The following PSTK variants were observed in gnomAD, a reference collection of about 807,000 sequenced individuals.
The protein encoded by PSTK is L-seryl-tRNA(Sec) kinase.
In PSTK, 26 loss-of-function variants were observed where a neutral mutation model predicts 38.6. The observed-to-expected ratio is 0.67, with a 90% CI of 0.49 to 0.94. The LOEUF (loss-of-function observed/expected upper bound fraction) is 0.94, where lower values mean the gene tolerates loss of function less well. Ranked by LOEUF, PSTK falls within the 40% of genes least tolerant of loss-of-function variation. The pLI, the probability that PSTK is intolerant of heterozygous loss-of-function variation, is 0.00. For missense variants in PSTK, 445 were observed against 436.3 expected, an observed-to-expected ratio of 1.02 and a Z score of -0.18; for synonymous variants, 181 against 161.7, an observed-to-expected ratio of 1.12 and a Z score of -0.91.
chr10:122,980,862 G>T lies in PSTK; in HGVS notation c.216+167G>T. ...GTGGAGCTGGGTTAACATAGTTACT[G>T]CAGAGGGTGAATGCGTTGGCTGTAG... On this transcript the variant is annotated intron_variant, in intron 1 of 5. Transcript: ENST00000406217. The surrounding 1 kb of genome is among the most constrained non-coding windows in gnomAD (Gnocchi z 4.3). 1.0e-6 allele frequency: 1 copy of T among 973,774 alleles called. No homozygotes were observed. The highest frequency in any genetic ancestry group is 1.2e-6 in the Non-Finnish European group (1 of 819,354). The allele number at this position is 973,774 out of a possible 1,614,324, so 60.3% of individuals were successfully genotyped here.
chr10:122,986,228 CAAA>C (rs544540038), intron 3 of PSTK, 69 bp from the exon 4 acceptor site: 5,622 of 593,628 alleles, frequency 9.5e-3, no homozygotes, highest in South Asian at 0.012. Context: ...GACTCCATCT[CAAA>C]AAAAAAAAAA....
intron 4 of PSTK, 165 bp downstream of exon 4, chr10:122,986,540 G>T: frequency 3.2e-6 from 2 of 631,308 alleles, no homozygotes; most frequent in Admixed American, 2.8e-5. Context: ...GGGCAAAGCC[G>T]ATTGTTAAAC....
At chr10:122,989,600 A>G (rs1031915947) in intron 5 of PSTK, among the ~76,000 whole-genome samples, 3 of 152,206 alleles carry the variant, frequency 2.0e-5, no homozygotes, top group South Asian at 2.1e-4. Context: ...ATGGTTGCAC[A>G]TATCTGTGAG....
Position 122,980,451 on chromosome 10 carries a change from C to G in PSTK, c.-29C>G, listed in dbSNP as rs542118896. 9.0e-6 allele frequency: 14 copies of G among 1,563,292 alleles called. No individual in the cohort carries two copies. The highest frequency in any genetic ancestry group is 1.7e-4 in the Middle Eastern group (1 of 5,880). On this transcript the variant is annotated 5_prime_UTR_variant, in exon 1 of 6. Coordinates refer to ENST00000406217, the MANE Select transcript of PSTK (RefSeq NM_001363531.2). The surrounding 1 kb of genome is among the most constrained non-coding windows in gnomAD (Gnocchi z 4.3). ...CAGACGGTAGAGCGGAGACGACGCTCCCAGACTCCTCCGGTCTCCCCGGGC... is the reference window on the plus strand; with the variant it reads ...CAGACGGTAGAGCGGAGACGACGCTGCCAGACTCCTCCGGTCTCCCCGGGC...
chr10:122,982,857 T>C lies in PSTK; in HGVS notation c.341T>C (p.Phe114Ser). 6.2e-7 allele frequency: 1 copy of C among 1,614,232 alleles called. No individual in the cohort carries two copies. The highest frequency in any genetic ancestry group is 8.5e-7 in the Non-Finnish European group (1 of 1,180,036). The change falls in exon 2 of 6, where the codon TTT (phenylalanine) becomes TCT (serine). Residue 114 changes from phenylalanine (F) to serine (S), a missense_variant. By Grantham distance (155) the Phe-to-Ser change is radical. Transcript: ENST00000406217. Reference protein sequence around the residue: ...PNRTEAMWEDFITCLKDQDLI... With the variant: ...PNRTEAMWEDSITCLKDQDLI... ...AGGACTGAAGCCATGTGGGAAGATT[T>C]TATAACCTGCTTAAAGGATCAAGAT...
chr10:122,986,934 T>A lies in PSTK; in HGVS notation c.849T>A (p.Ile283=). 6.2e-7 allele frequency: 1 copy of A among 1,612,456 alleles called. No individual in the cohort carries two copies. The highest frequency in any genetic ancestry group is 8.5e-7 in the Non-Finnish European group (1 of 1,178,562). ...LHKTDQTLRR[I]VSQTMKEAKD... The stretch of plus-strand genomic sequence containing the variant: ...AAACTGATCAGACACTCCGAAGGAT[T>A]GTATCTCAGACAATGAAGGAAGCAA... The change falls in exon 5 of 6, where the codon ATT becomes ATA. Residue 283 remains isoleucine, a synonymous_variant. Coordinates refer to ENST00000406217, the MANE Select transcript of PSTK (RefSeq NM_001363531.2).
Position 122,986,283 on chromosome 10 carries a change from TC to T in PSTK, c.708-14del. ...GGATATAAGGATCTATTGTATTTTA[TC>T]CCATTTTCTCTGTAGCCTGGAAGTG... is the stretch of plus-strand genomic sequence containing the variant. On this transcript the variant is annotated splice_polypyrimidine_tract_variant and intron_variant, in intron 3 of 5. Transcript: ENST00000406217. The T allele has an allele frequency of 6.7e-7, 1 of 1,495,700 alleles. No homozygotes were observed. Among genetic ancestry groups the T allele is most frequent in the South Asian group, 1.2e-5 (1 of 83,968 alleles). The allele number at this position is 1,495,700 out of a possible 1,614,324, so 92.7% of individuals were successfully genotyped here. A position where few individuals can be genotyped will look rare whatever the true frequency, so the allele number is the denominator to read the frequency against.
chr10:122,987,032 C>A, intron 5 of PSTK, 70 bp downstream of exon 5: 2 of 1,046,324 alleles, frequency 1.9e-6, no homozygotes, highest in Non-Finnish European at 3.0e-6. Context: ...ATTCCCGACA[C>A]TCAGAGTTTA....
chr10:122,988,722 C>T (rs556023383), intron 5 of PSTK, among the ~76,000 whole-genome samples: 8 of 152,264 alleles, frequency 5.3e-5, no homozygotes, highest in Non-Finnish European at 8.8e-5. Context: ...AGAATTAAAA[C>T]GTCCAAGTGT....
chr10:122,990,354 AT>A lies in PSTK; in HGVS notation c.1063del (p.Ser355GlnfsTer?). On this transcript the variant is annotated frameshift_variant, in exon 6 of 6. Coordinates refer to ENST00000406217, the MANE Select transcript of PSTK (RefSeq NM_001363531.2). LOFTEE classifies it high-confidence loss of function. ...GAGAAAGATAATATTGTACAGAAGT[AT>A]TTTTCAAAGCAGCATTAAAATTTCT... is the stretch of plus-strand genomic sequence containing the variant. ...HYEKDNIVQK[Y>X]FSKQH The A allele has an allele frequency of 6.9e-7, 1 of 1,457,248 alleles. No individual in the cohort carries two copies. Among genetic ancestry groups the A allele is most frequent in the Non-Finnish European group, 9.1e-7 (1 of 1,100,272 alleles). The allele number at this position is 1,457,248 out of a possible 1,614,324, so 90.3% of individuals were successfully genotyped here.
chr10:122,982,667 A>G, intron 1 of PSTK, 66 bp from the exon 2 acceptor site: 4 of 1,381,324 alleles, frequency 2.9e-6, no homozygotes, highest in Non-Finnish European at 4.1e-6. Flanking sequence ...GCAGGGTGGC[A>G]GTGAGGCCAG....
At chr10:122,983,867 G>A (rs1256246789) in intron 3 of PSTK, 1 of 184,214 alleles carries the variant, frequency 5.4e-6, no homozygotes, top group Non-Finnish European at 1.2e-5. Flanking sequence ...CACTGCTTTT[G>A]CATATGTGAG....
chr10:122,983,122 T>G, intron 2 of PSTK, 98 bp downstream of exon 2: 1 of 1,285,230 alleles, frequency 7.8e-7, no homozygotes, highest in Non-Finnish European at 1.1e-6. Context: ...TAGGAGGTTA[T>G]GTAGATTTAC....
At chr10:122,986,764 G>A (rs560255456) in intron 4 of PSTK, 105 bp from the exon 5 acceptor site, 160 of 711,886 alleles carry the variant, frequency 2.2e-4, no homozygotes, top group Middle Eastern at 3.5e-4. Context: ...CAGAAAAGCC[G>A]CTTAAACTTT....
chr10:122,986,570 T>C, intron 4 of PSTK, 195 bp downstream of exon 4: 2 of 607,896 alleles, frequency 3.3e-6, no homozygotes, highest in Non-Finnish European at 5.8e-6. Context: ...TGTTGGAGCC[T>C]GTTGATGGTT....
At chr10:122,986,470 G>A (rs1196863515) in intron 4 of PSTK, 95 bp downstream of exon 4, 3 of 899,008 alleles carry the variant, frequency 3.3e-6, no homozygotes, top group African/African-American at 1.6e-5. Context: ...TGAAACGGGA[G>A]ATGCGTTGTC....
At position 122,986,899 on chromosome 10, in the gene PSTK, A is replaced by G. The variant is rs768070003; in HGVS notation, c.814A>G (p.Ile272Val). ...AGACAGAATTATTTGTTCAACTAAC[A>G]TTCTTCATAAAACTGATCAGACACT... ...DTDRIICSTN[I>V]LHKTDQTLRR... Residue 272 changes from isoleucine to valine, a missense_variant, in exon 5 of 6, where the codon ATT becomes GTT. By Grantham distance (29) the Ile-to-Val change is conservative. Coordinates refer to ENST00000406217, the MANE Select transcript of PSTK (RefSeq NM_001363531.2). 5 of 1,611,690 alleles carry G rather than the reference A, an allele frequency of 3.1e-6. No individual in the cohort carries two copies. In the East Asian group the frequency reaches 1.1e-4, roughly 36 times the overall value.
Position 122,980,665 on chromosome 10 carries a change from GT to G in PSTK, c.189del (p.Leu64SerfsTer21). 1 of 1,592,432 alleles carries G rather than the reference GT, an allele frequency of 6.3e-7. No homozygotes were observed. The highest frequency in any genetic ancestry group is 1.4e-5 in the African/African-American group (1 of 72,904). ...VAYDDVMPDA[F>X]LAGARARPAP... is the part of the protein sequence containing the mutation. ...CGTATGATGACGTCATGCCCGACGC[GT>G]TTCTCGCCGGGGCAAGAGCGCGACC... On this transcript the variant is annotated frameshift_variant, in exon 1 of 6. Coordinates refer to ENST00000406217, the MANE Select transcript of PSTK (RefSeq NM_001363531.2). LOFTEE classifies it high-confidence loss of function. The surrounding 1 kb of genome is among the most constrained non-coding windows in gnomAD (Gnocchi z 4.3).
chr10:122,990,202 G>A lies in PSTK; in HGVS notation c.906G>A (p.Lys302=). The A allele has an allele frequency of 2.6e-6, 4 of 1,524,986 alleles. No individual in the cohort carries two copies. Among genetic ancestry groups the A allele is most frequent in the Non-Finnish European group, 3.5e-6 (4 of 1,140,144 alleles). The allele number at this position is 1,524,986 out of a possible 1,614,324, so 94.5% of individuals were successfully genotyped here. ...AACAAGTGCTTCCTCACAACTTGAA[G>A]CTTCTAGCAGAAGAACTTAACAAGC... ...KDEQVLPHNL[K]LLAEELNKLK... The change falls in exon 6 of 6, where the codon AAG becomes AAA. Residue 302 remains lysine, a synonymous_variant. Coordinates refer to ENST00000406217, the MANE Select transcript of PSTK (RefSeq NM_001363531.2).
Sources: gnomAD v4.1 joint callset for allele counts (sites outside exome capture counted in the v4.1 genomes callset) on GRCh38, gnomAD v4.1.1 for gene constraint, Gnocchi (gnomAD v3.1) non-coding constraint, MANE v1.5 for transcripts, NCBI Gene and HGNC (gene_info 2026-07-23, HGNC 2026-07-21) for gene names.